The following GTPBP6 variants were observed in gnomAD, a reference collection of about 807,000 sequenced individuals.
GTPBP6 encodes the protein GTP binding protein 6.
A neutral mutation model predicts 28.9 loss-of-function variants in GTPBP6; 33 were observed. The observed-to-expected ratio is 1.14, with a 90% CI of 0.87 to 1.53. GTPBP6 has a LOEUF of 1.53. Ranked by LOEUF, GTPBP6 falls within the 40% of genes most tolerant of loss-of-function variation. The pLI is 0.00. For synonymous variants in GTPBP6, 231 were observed against 192.7 expected, an observed-to-expected ratio of 1.20 and a Z score of -1.65; for missense variants, 507 against 408.3, an observed-to-expected ratio of 1.24 and a Z score of -2.08.
At chrX:310,059 C>T (rs1428389776) in intron 7 of GTPBP6, among the ~76,000 whole-genome samples, 2 of 132,186 alleles carry the variant, frequency 1.5e-5, no homozygotes, top group African/African-American at 6.3e-5. Context: ...AGGACCCTCC[C>T]CTAGAGCCTC....
intron 5 of GTPBP6, among the ~76,000 whole-genome samples, chrX:313,497 C>T (rs1357127850): frequency 2.0e-5 from 3 of 150,284 alleles, no homozygotes; most frequent in Non-Finnish European, 4.4e-5. Context: ...ACAAGTGTAG[C>T]GGATTGAACT....
At chrX:312,708 G>A (rs1214796336) in intron 6 of GTPBP6, 58 bp downstream of exon 6, 36 of 1,516,356 alleles carry the variant, frequency 2.4e-5, no homozygotes, top group Non-Finnish European at 3.0e-5. Context: ...TCCCCCGGGC[G>A]AGTCCTCACC....
chrX:307,399 A>G, exon 9 of GTPBP6: 1 of 1,612,502 alleles, frequency 6.2e-7, no homozygotes, highest in African/African-American at 1.3e-5. Flanking sequence ...GAGAGTGAGG[A>G]TCTGTCTCCC....
intron 5 of GTPBP6, among the ~76,000 whole-genome samples, chrX:313,726 G>C (rs1234021811): frequency 2.0e-5 from 3 of 151,828 alleles, no homozygotes; most frequent in African/African-American, 4.8e-5. Flanking sequence ...GCAGAGACTG[G>C]AGTGACGCGG....
intron 6 of GTPBP6, chrX:311,852 GGGA>G: frequency 3.4e-6 from 2 of 580,460 alleles, no homozygotes; most frequent in East Asian, 2.9e-5. Flanking sequence ...GCGGACACGG[GGGA>G]GATGGTGGTG....
Position 311,611 on chromosome X carries a change from G to C in GTPBP6, c.933C>G (p.Ile311Met), listed in dbSNP as rs747864910. Residue 311 changes from isoleucine (I) to methionine (M), a missense_variant, in exon 7 of 10, where the codon ATC becomes ATG. Transcript: ENST00000326153. ...TGGCGGCATCGCCCGTCAGTGCCTT[G>C]ATCAGCGTGGTCTTTCCTAGGAGGG... 3.7e-6 allele frequency: 6 copies of C among 1,611,934 alleles called. No individual in the cohort carries two copies. In the South Asian group the frequency reaches 6.6e-5, roughly 18 times the overall value.
Position 312,929 on chromosome X carries a change from A to G in GTPBP6, c.758-5T>C. 6.2e-7 allele frequency: 1 copy of G among 1,609,018 alleles called. No individual in the cohort carries two copies. Among genetic ancestry groups the G allele is most frequent in the South Asian group, 1.1e-5 (1 of 90,820 alleles). ...GCAGCTGCATGAAGGATTCTCCTAA[A>G]AGACACCCGAGATGGTGAGGCGGTG... is the stretch of plus-strand genomic sequence containing the variant. On this transcript the variant is annotated splice_region_variant and splice_polypyrimidine_tract_variant and intron_variant, in intron 5 of 9. Transcript: ENST00000326153.
chrX:313,867 G>T (rs1314950769), intron 5 of GTPBP6, among the ~76,000 whole-genome samples: 5 of 152,006 alleles, frequency 3.3e-5, no homozygotes, highest in African/African-American at 1.2e-4. Context: ...ATAGATCTCT[G>T]CTGTTTAAAT....
exon 1 of GTPBP6, chrX:318,759 G>C (rs2070486594): frequency 9.5e-6 from 3 of 315,790 alleles, no homozygotes; most frequent in Admixed American, 1.0e-4. Flanking sequence ...CCGCAGCCCC[G>C]GGCGTACGGC....
intron 9 of GTPBP6, among the ~76,000 whole-genome samples, chrX:306,221 C>T (rs28747674): frequency 0.12 from 18,515 of 149,386 alleles, 1,361 homozygotes; most frequent in Non-Finnish European, 0.15. Context: ...GACTGTCAAG[C>T]GCAGATTAGG....
chrX:317,562 T>TG (rs1231210780), intron 1 of GTPBP6, among the ~76,000 whole-genome samples: 12 of 46,082 alleles, frequency 2.6e-4, no homozygotes, highest in African/African-American at 2.2e-3. Flanking sequence ...TCCTGGGGGG[T>TG]GGGGGGTGGG....
chrX:313,319 G>C (rs1237842944), intron 5 of GTPBP6, among the ~76,000 whole-genome samples: 1 of 152,166 alleles, frequency 6.6e-6, no homozygotes, highest in African/African-American at 2.4e-5. Flanking sequence ...TCTTTGTAGG[G>C]TCTCAAAATA....
At chrX:311,563 A>C in exon 7 of GTPBP6, 1 of 1,612,432 alleles carries the variant, frequency 6.2e-7, no homozygotes, top group Non-Finnish European at 8.5e-7. Flanking sequence ...CCAGCGTGGC[A>C]AACAGCTGGT....
At chrX:318,794 T>C (rs2070487408) in exon 1 of GTPBP6, 3 of 304,410 alleles carry the variant, frequency 9.9e-6, no homozygotes, top group Middle Eastern at 9.5e-4. Flanking sequence ...ACATGGCGCG[T>C]CTGGAGGCTG....
intron 2 of GTPBP6, among the ~76,000 whole-genome samples, chrX:316,663 TA>T (rs1361669814): frequency 6.6e-6 from 1 of 152,118 alleles, no homozygotes; most frequent in African/African-American, 2.4e-5. Context: ...TTGGACTCTA[TA>T]AACTGCCCCG....
Position 311,458 on chromosome X carries a change from G to A in GTPBP6, c.1086C>T (p.Ile362=), listed in dbSNP as rs771978907. 1.8e-5 allele frequency: 27 copies of A among 1,533,790 alleles called. No homozygotes were observed. In the African/African-American group the frequency reaches 2.5e-4, roughly 14 times the overall value. ...CTTCCAGGGTGGCGGAGAAGGACTC[G>A]ATGAGGCCGTGCGGCAGCTGGGAGA... The change falls in exon 7 of 10, where the codon ATC becomes ATT. Residue 362 remains isoleucine (I), a synonymous_variant. Transcript: ENST00000326153.
rs1260601465 is a variant in GTPBP6 at position 311,939 on chromosome X, G to A, written c.917-312C>T. ...TAGATTTGGCAATGGCGTAGATGGT[G>A]GGATGGTGTAGGTGGGGTGGTGGTG... is the stretch of plus-strand genomic sequence containing the variant. On this transcript the variant is annotated intron_variant, in intron 6 of 9. Coordinates refer to ENST00000326153, the Ensembl canonical transcript of GTPBP6. 5 of 577,502 alleles carry A rather than the reference G, an allele frequency of 8.7e-6. No homozygotes were observed. In the African/African-American group the frequency reaches 9.3e-5, roughly 11 times the overall value. 35.8% of individuals were successfully genotyped at this position (577,502 alleles called of 1,614,324 possible). A position where few individuals can be genotyped will look rare whatever the true frequency, so the allele number is the denominator to read the frequency against.
intron 9 of GTPBP6, 122 bp from the exon 10 acceptor site, chrX:305,319 C>CTTTTTTTTTTTT (rs368320582): frequency 2.7e-6 from 2 of 733,286 alleles, no homozygotes; most frequent in African/African-American, 4.1e-5. Flanking sequence ...GTCCTGTTTC[C>CTTTTTTTTTTTT]TTTTGTTTTT....
chrX:314,439 C>A (rs1166945007), intron 4 of GTPBP6, among the ~76,000 whole-genome samples: 1 of 151,264 alleles, frequency 6.6e-6, no homozygotes, highest in Non-Finnish European at 1.5e-5. Flanking sequence ...GTGGGGGCAA[C>A]GGGCCCCGGA....
Sources: gnomAD v4.1 joint callset for allele counts (sites outside exome capture counted in the v4.1 genomes callset) on GRCh38, gnomAD v4.1.1 for gene constraint, MANE v1.5 for transcripts, NCBI Gene and HGNC (gene_info 2026-07-23, HGNC 2026-07-21) for gene names.